The following FCRL4 variants were observed in gnomAD, a reference collection of about 807,000 sequenced individuals.
The protein encoded by FCRL4 is Fc receptor-like protein 4.
Under a neutral mutation model 64.1 loss-of-function variants are expected in FCRL4, and 43 were observed. That is an observed-to-expected ratio of 0.67 (90% CI 0.53 to 0.87). FCRL4 has a LOEUF of 0.87. Ranked by LOEUF, FCRL4 falls within the 40% of genes least tolerant of loss-of-function variation. The probability of loss-of-function intolerance (pLI) is 0.00; values close to 1 mark genes in which losing one functional copy is unlikely to be tolerated. For missense variants in FCRL4, 656 were observed against 613.5 expected, an observed-to-expected ratio of 1.07 and a Z score of -0.73; for synonymous variants, 253 against 239.8, an observed-to-expected ratio of 1.05 and a Z score of -0.51.
In FCRL4 at chr1:157,578,136, T is replaced by A. The variant is rs1036570457; in HGVS notation, c.1429+338A>T. Among the ~76,000 whole-genome samples the A allele has an allele frequency of 2.0e-5, 3 of 152,318 alleles. No homozygotes were observed. In the South Asian group the frequency reaches 6.2e-4, roughly 32 times the overall value. On this transcript the variant is annotated intron_variant, in intron 10 of 11. Coordinates refer to ENST00000271532, the MANE Select transcript of FCRL4 (RefSeq NM_031282.3). The stretch of plus-strand genomic sequence containing the variant: ...GTATACATATATATATGTATATATA[T>A]TCTCAGCACAATGCTTACCACATAG...
chr1:157,597,211 C>T (rs965744076), intron 1 of FCRL4, among the ~76,000 whole-genome samples: 1 of 152,230 alleles, frequency 6.6e-6, no homozygotes, highest in Non-Finnish European at 1.5e-5. Flanking sequence ...TACCCATCCA[C>T]TCACTCCTTA....
chr1:157,597,421 A>C (rs1457249903), intron 1 of FCRL4, among the ~76,000 whole-genome samples: 1 of 152,232 alleles, frequency 6.6e-6, no homozygotes, highest in Non-Finnish European at 1.5e-5. Context: ...CAGGAAGAAA[A>C]AAATCAAAGG....
intron 10 of FCRL4, among the ~76,000 whole-genome samples, chr1:157,577,288 G>A (rs963323681): frequency 1.3e-5 from 2 of 152,234 alleles, no homozygotes; most frequent in African/African-American, 4.8e-5. Context: ...GGGATATAGA[G>A]CTCCCACCTC....
At chr1:157,579,704 ATAC>A (rs774421108) in intron 8 of FCRL4, among the ~76,000 whole-genome samples, 2,830 of 114,024 alleles carry the variant, frequency 0.025, 37 homozygotes, top group East Asian at 0.051. Flanking sequence ...GTGACAATAC[ATAC>A]ATACATACAT....
At chr1:157,579,186 AGTGAGACCTT>A (rs1652489926) in intron 8 of FCRL4, among the ~76,000 whole-genome samples, 1 of 152,178 alleles carries the variant, frequency 6.6e-6, no homozygotes, top group Admixed American at 6.5e-5. Context: ...TGGGCAACAT[AGTGAGACCTT>A]GTCTCTACAC....
intron 3 of FCRL4, 125 bp downstream of exon 3, chr1:157,589,079 G>A: frequency 1.9e-6 from 2 of 1,080,706 alleles, no homozygotes; most frequent in Non-Finnish European, 2.7e-6. Context: ...GGGAAAATAT[G>A]AAACTAAAGG....
intron 2 of FCRL4, among the ~76,000 whole-genome samples, chr1:157,595,540 C>A (rs1652942303): frequency 6.6e-6 from 1 of 152,232 alleles, no homozygotes; most frequent in Admixed American, 6.5e-5. Flanking sequence ...CTGAGGTTAA[C>A]CACATCCCTA....
intron 2 of FCRL4, among the ~76,000 whole-genome samples, chr1:157,595,504 T>C (rs903791170): frequency 2.0e-5 from 3 of 152,266 alleles, no homozygotes; most frequent in Non-Finnish European, 2.9e-5. Context: ...ATGGCCTTCG[T>C]GTGTTTGAGA....
At chr1:157,586,105 C>T in intron 6 of FCRL4, 63 bp downstream of exon 6, 1 of 1,491,354 alleles carries the variant, frequency 6.7e-7, no homozygotes, top group Non-Finnish European at 9.1e-7. Flanking sequence ...TGTTAGCTAT[C>T]CCCACCCTTA....
chr1:157,587,957 G>T lies in FCRL4; in HGVS notation c.470C>A (p.Ala157Glu). The T allele has an allele frequency of 6.2e-7, 1 of 1,613,040 alleles. No homozygotes were observed. Among genetic ancestry groups the T allele is most frequent in the Non-Finnish European group, 8.5e-7 (1 of 1,179,428 alleles). ...ATAATTGCCATTGTTATTTGAACTTGCTTGTGGGATAAGAAGATCCCAGCT... is the reference window on the plus strand; with the variant it reads ...ATAATTGCCATTGTTATTTGAACTTTCTTGTGGGATAAGAAGATCCCAGCT... ...NKSWDLLIPQASSNNNGNYRC... is the reference protein window; with the variant it reads ...NKSWDLLIPQESSNNNGNYRC... Residue 157 changes from alanine (A) to glutamate (E), a missense_variant, in exon 4 of 12, where the codon GCA becomes GAA. Physicochemically the swap from Ala to Glu is moderately radical, Grantham distance 107 (BLOSUM62 -1). Coordinates refer to ENST00000271532, the MANE Select transcript of FCRL4 (RefSeq NM_031282.3).
chr1:157,594,479 C>G (rs1363923607), intron 2 of FCRL4, among the ~76,000 whole-genome samples: 1 of 152,176 alleles, frequency 6.6e-6, no homozygotes, highest in Non-Finnish European at 1.5e-5. Flanking sequence ...TAGATTCATG[C>G]TTTGCCCTAC....
chr1:157,589,153 G>A (rs752819532), intron 3 of FCRL4, 51 bp downstream of exon 3: 1 of 1,589,732 alleles, frequency 6.3e-7, no homozygotes, highest in South Asian at 1.1e-5. Flanking sequence ...AGGGAGCTAA[G>A]ATAAACTGAT....
At position 157,585,382 on chromosome 1, in the gene FCRL4, CTTTCTTTCTTTCCTTCT is replaced by C. The variant is rs1558155109; in HGVS notation, c.1135+769_1135+785del. On this transcript the variant is annotated intron_variant, in intron 6 of 11. Transcript: ENST00000271532. Reference sequence around the variant, plus strand: ...TCTTTCTTTCTTTCTTTCTTTCTTTCTTTCTTTCTTTCCTTCTTTCTTTCTTTCTTTCTTTCTTTCCT... The same window carrying C: ...TCTTTCTTTCTTTCTTTCTTTCTTTCTTCTTTCTTTCTTTCTTTCTTTCCT... 1.2e-4 allele frequency among the ~76,000 whole-genome samples: 12 copies of C among 100,354 alleles called. No individual in the cohort carries two copies. In the South Asian group the frequency reaches 3.2e-3, roughly 26 times the overall value. The allele number at this position is 100,354 out of a possible 152,430, so 65.8% of individuals were successfully genotyped here.
intron 7 of FCRL4, 102 bp downstream of exon 7, chr1:157,581,429 G>T: frequency 2.3e-6 from 2 of 877,968 alleles, no homozygotes; most frequent in Non-Finnish European, 3.6e-6. Flanking sequence ...ACTTGGGAGT[G>T]GAGACTTGGG....
At chr1:157,587,757 C>T in intron 4 of FCRL4, 108 bp downstream of exon 4, 1 of 1,221,500 alleles carries the variant, frequency 8.2e-7, no homozygotes, top group Non-Finnish European at 1.1e-6. Flanking sequence ...GGATTTGTGC[C>T]TCTCATCTAT....
At chr1:157,591,618 GGTGCTCCTAACTT>G (rs1652841789) in intron 2 of FCRL4, among the ~76,000 whole-genome samples, 1 of 152,080 alleles carries the variant, frequency 6.6e-6, no homozygotes, top group Non-Finnish European at 1.5e-5. Flanking sequence ...TGGGGAGGTA[GGTGCTCCTAACTT>G]CCCAGACCTC....
At chr1:157,587,653 A>T in intron 4 of FCRL4, 93 bp from the exon 5 acceptor site, 2 of 1,377,782 alleles carry the variant, frequency 1.5e-6, no homozygotes, top group Non-Finnish European at 2.0e-6. Context: ...GAAACTTCAG[A>T]CACACAGCAA....
chr1:157,593,558 A>T (rs1652885790), intron 2 of FCRL4, among the ~76,000 whole-genome samples: 3 of 152,194 alleles, frequency 2.0e-5, no homozygotes, highest in Non-Finnish European at 4.4e-5. Flanking sequence ...TCTTGAAAAC[A>T]TGTATGCATG....
chr1:157,583,227 C>T (rs12755544), intron 6 of FCRL4, among the ~76,000 whole-genome samples: 40,385 of 152,064 alleles, frequency 0.27, 5,786 homozygotes, highest in Middle Eastern at 0.36. Context: ...TTAAGTGTTA[C>T]GTCTAGGGAA....
Sources: gnomAD v4.1 joint callset for allele counts (sites outside exome capture counted in the v4.1 genomes callset) on GRCh38, gnomAD v4.1.1 for gene constraint, MANE v1.5 for transcripts, NCBI Gene and HGNC (gene_info 2026-07-23, HGNC 2026-07-21) for gene names.